CCDC81: variants seen among roughly 807,000 people sequenced by gnomAD.
CCDC81 encodes coiled-coil domain containing 81.
A neutral mutation model predicts 83.7 loss-of-function variants in CCDC81; 79 were observed. The ratio of observed to expected loss-of-function variants is 0.94; its 90% CI spans 0.79 to 1.14. CCDC81 has a LOEUF of 1.14. CCDC81 is among the 50% of genes most tolerant of loss of function. CCDC81 has a pLI of 0.00. For synonymous variants in CCDC81, 252 were observed against 278.1 expected, an observed-to-expected ratio of 0.91 and a Z score of 0.93; for missense variants, 791 against 778.1, an observed-to-expected ratio of 1.02 and a Z score of -0.20.
chr11:86,412,646 A>C, intron 11 of CCDC81, 87 bp downstream of exon 11: 3 of 1,206,742 alleles, frequency 2.5e-6, no homozygotes, highest in Non-Finnish European at 3.5e-6. Context: ...CAGCATTGGT[A>C]GTTTCATTAG....
rs747056627 is a variant in CCDC81, at chr11:86,408,123, G to A, written c.970-4G>A. ...TTTATTTGTCCTGAAATTTGGGATT[G>A]TAGGAAATGTGCTATGTATGTTTGC... On this transcript the variant is annotated splice_polypyrimidine_tract_variant and splice_region_variant and intron_variant, in intron 8 of 14. Coordinates refer to ENST00000445632, the MANE Select transcript of CCDC81 (RefSeq NM_001156474.2). 1.6e-5 allele frequency: 26 copies of A among 1,604,510 alleles called. No homozygotes were observed. The highest frequency in any genetic ancestry group is 2.2e-5 in the Non-Finnish European group (26 of 1,177,546).
chr11:86,409,414 C>T (rs779910287), intron 10 of CCDC81, 49 bp downstream of exon 10: 15 of 888,270 alleles, frequency 1.7e-5, no homozygotes, highest in Admixed American at 5.3e-5. Flanking sequence ...CATCTGTGAG[C>T]CTTTGGATCC....
chr11:86,400,513 C>T (rs139782084), intron 6 of CCDC81, among the ~76,000 whole-genome samples, 165 bp from the exon 7 acceptor site: 5 of 152,144 alleles, frequency 3.3e-5, no homozygotes, highest in Non-Finnish European at 5.9e-5. Context: ...GCTTTCTTTG[C>T]GAATATACAG....
At chr11:86,396,721 T>C (rs1188082877) in intron 5 of CCDC81, among the ~76,000 whole-genome samples, 1 of 152,188 alleles carries the variant, frequency 6.6e-6, no homozygotes, top group Non-Finnish European at 1.5e-5. Context: ...GCCAAGCTTA[T>C]AGAAATAAAA....
In CCDC81 at chr11:86,400,055, T is replaced by C. The variant is rs953033423; in HGVS notation, c.758-623T>C. Among the ~76,000 whole-genome samples the C allele has an allele frequency of 4.1e-5, 6 of 146,628 alleles. No individual in the cohort carries two copies. In the East Asian group the frequency reaches 6.0e-4, roughly 15 times the overall value. ...CTGAGGTGGGAGAATTGCTAGAACC[T>C]GGGAGGCAGAAGTTGCAATGAGCTG... On this transcript the variant is annotated intron_variant, in intron 6 of 14. Coordinates refer to ENST00000445632, the MANE Select transcript of CCDC81 (RefSeq NM_001156474.2).
At chr11:86,387,475 T>G in intron 2 of CCDC81, 41 bp from the exon 3 acceptor site, 1 of 1,594,424 alleles carries the variant, frequency 6.3e-7, no homozygotes, top group Non-Finnish European at 8.6e-7. Flanking sequence ...TTTTCTTCAC[T>G]CCTTCAATGA....
chr11:86,406,550 T>A (rs1180060535), intron 7 of CCDC81, among the ~76,000 whole-genome samples: 1 of 152,202 alleles, frequency 6.6e-6, no homozygotes, highest in East Asian at 1.9e-4. Flanking sequence ...CTCATGCCTG[T>A]AATCCCAGCA....
chr11:86,420,053 G>A lies in CCDC81; in HGVS notation c.1817G>A (p.Arg606Gln), dbSNP rs768191045. 40 of 1,609,804 alleles carry A rather than the reference G, an allele frequency of 2.5e-5. No individual in the cohort carries two copies. The Middle Eastern group carries it at 5.0e-4, about 20-fold the overall frequency. Residue 606 changes from arginine (R) to glutamine (Q), a missense_variant and splice_region_variant, in exon 14 of 15, where the codon CGG (arginine) becomes CAG (glutamine). By Grantham distance (43) the Arg-to-Gln change is conservative. Coordinates refer to ENST00000445632, the MANE Select transcript of CCDC81 (RefSeq NM_001156474.2). ...QRDLEDKAFE[R>Q]ASDKLFLLDQ... ...GACCTGGAGGACAAGGCTTTTGAAC[G>A]GTAATGCCTGATTGGAACCCCAAAA... is the stretch of plus-strand genomic sequence containing the variant.
At chr11:86,381,373 CA>C (rs1948174676) in intron 1 of CCDC81, among the ~76,000 whole-genome samples, 1 of 152,156 alleles carries the variant, frequency 6.6e-6, no homozygotes, top group Admixed American at 6.5e-5. Flanking sequence ...ACCTGAAGCA[CA>C]AGGAGATTTT....
chr11:86,378,157 C>T (rs779281614), intron 1 of CCDC81, among the ~76,000 whole-genome samples: 9 of 151,996 alleles, frequency 5.9e-5, no homozygotes, highest in Non-Finnish European at 8.8e-5. Flanking sequence ...TTTGTCAATA[C>T]ACACTGTCTT....
chr11:86,403,306 T>C (rs922422453), intron 7 of CCDC81, among the ~76,000 whole-genome samples: 2 of 152,132 alleles, frequency 1.3e-5, no homozygotes, highest in Non-Finnish European at 2.9e-5. Flanking sequence ...TAAGTATGAA[T>C]AGTTTTCTGA....
chr11:86,389,206 G>T (rs1948289439), intron 3 of CCDC81, among the ~76,000 whole-genome samples: 1 of 151,850 alleles, frequency 6.6e-6, no homozygotes, highest in Admixed American at 6.6e-5. Context: ...GAGGCAAGAG[G>T]ATCACTTCAG....
Position 86,395,466 on chromosome 11 carries a change from T to C in CCDC81, c.635+53T>C, listed in dbSNP as rs1948393852. On this transcript the variant is annotated intron_variant, in intron 5 of 14. Transcript: ENST00000445632. ...TAGGCACTAGCACTCCTTGCTGATC[T>C]GCTGATCTCATTGGGCAGTGTTTCT... 3 of 1,373,412 alleles carry C rather than the reference T, an allele frequency of 2.2e-6. No homozygotes were observed. In the South Asian group the frequency reaches 3.5e-5, roughly 16 times the overall value. 85.1% of individuals were successfully genotyped at this position (1,373,412 alleles called of 1,614,324 possible). A position where few individuals can be genotyped will look rare whatever the true frequency, so the allele number is the denominator to read the frequency against.
At chr11:86,381,072 G>C (rs12362561) in intron 1 of CCDC81, among the ~76,000 whole-genome samples, 6,368 of 152,226 alleles carry the variant, frequency 0.042, 205 homozygotes, top group Non-Finnish European at 0.061. Flanking sequence ...GTAGAGTGTG[G>C]GGGGTGGGAA....
Position 86,408,156 on chromosome 11 carries a change from A to G in CCDC81, c.999A>G (p.Ala333=). Residue 333 remains alanine, a synonymous_variant, in exon 9 of 15, where the codon GCA becomes GCG. Coordinates refer to ENST00000445632, the MANE Select transcript of CCDC81 (RefSeq NM_001156474.2). ...QEMCYVCLQR[A]QRNSLLYYSE... Reference sequence around the variant, plus strand: ...TGTGCTATGTATGTTTGCAACGAGCACAACGAAATTCCCTGTTGTACTACA... The same window carrying G: ...TGTGCTATGTATGTTTGCAACGAGCGCAACGAAATTCCCTGTTGTACTACA... 1 of 1,613,880 alleles carries G rather than the reference A, an allele frequency of 6.2e-7. No individual in the cohort carries two copies. Among genetic ancestry groups the G allele is most frequent in the Non-Finnish European group, 8.5e-7 (1 of 1,179,948 alleles).
chr11:86,394,875 C>T (rs1245731487), intron 4 of CCDC81, among the ~76,000 whole-genome samples: 1 of 152,186 alleles, frequency 6.6e-6, no homozygotes, highest in Non-Finnish European at 1.5e-5. Context: ...TTATTATCCC[C>T]AGAAACCTAG....
chr11:86,381,121 G>A (rs1428098233), intron 1 of CCDC81, among the ~76,000 whole-genome samples: 1 of 152,200 alleles, frequency 6.6e-6, no homozygotes, highest in African/African-American at 2.4e-5. Flanking sequence ...CAGTCTTTTA[G>A]TGAGCCTGTG....
intron 4 of CCDC81, 130 bp from the exon 5 acceptor site, chr11:86,395,204 T>C (rs554329343): frequency 1.6e-6 from 1 of 632,338 alleles, no homozygotes; most frequent in Admixed American, 3.0e-5. Context: ...GCTCTGGACT[T>C]ATAAGCGCTT....
At chr11:86,379,698 C>T (rs2138487706) in intron 1 of CCDC81, among the ~76,000 whole-genome samples, 1 of 152,218 alleles carries the variant, frequency 6.6e-6, no homozygotes, top group South Asian at 2.1e-4. Flanking sequence ...AAAAATAGGC[C>T]AGGTGCAGTG....
Sources: allele counts gnomAD v4.1 joint callset (sites outside exome capture counted in the v4.1 genomes callset), GRCh38; gene constraint gnomAD v4.1.1; transcripts MANE v1.5; gene names NCBI Gene and HGNC (gene_info 2026-07-23, HGNC 2026-07-21).